Variants in ERC2 observed in about 807,000 individuals in gnomAD.
ERC2 encodes ERC protein 2.
In ERC2, 42 loss-of-function variants were observed where a neutral mutation model predicts 114.8. The observed-to-expected ratio is 0.37, with a 90% CI of 0.29 to 0.47. The LOEUF is 0.47. Among genes scored for constraint, ERC2 ranks in the 20% least tolerant of loss-of-function variants. ERC2 has a pLI of 0.99. For missense variants in ERC2, 939 were observed against 1,150.7 expected (o/e 0.82, Z 2.66); for synonymous variants, 454 against 425.5 (o/e 1.07, Z -0.82).
chr3:55,795,495 T>C (rs1005026474), intron 14 of ERC2, among the ~76,000 whole-genome samples: 7 of 152,172 alleles, frequency 4.6e-5, no homozygotes, highest in African/African-American at 1.4e-4. Context: ...GTGGGATTGT[T>C]TGCAATTAGG....
At chr3:55,997,906 T>TTG (rs1279001290) in intron 10 of ERC2, among the ~76,000 whole-genome samples, 17 of 37,618 alleles carry the variant, frequency 4.5e-4, no homozygotes, top group African/African-American at 1.5e-3. Flanking sequence ...TTTTTTTTTT[T>TTG]TGTGTGTGTG....
At chr3:55,652,347 A>G (rs1447479753) in intron 17 of ERC2, among the ~76,000 whole-genome samples, 3 of 151,968 alleles carry the variant, frequency 2.0e-5, no homozygotes, top group Non-Finnish European at 4.4e-5. Flanking sequence ...CATTCATTTT[A>G]TTTTATTTTT....
At chr3:56,225,855 C>A (rs930868855) in intron 3 of ERC2, among the ~76,000 whole-genome samples, 1 of 151,862 alleles carries the variant, frequency 6.6e-6, no homozygotes, top group Non-Finnish European at 1.5e-5. Context: ...TCCAGCCCAC[C>A]AATGACCAGG....
intron 2 of ERC2, among the ~76,000 whole-genome samples, chr3:56,343,269 G>C (rs562089625): frequency 6.7e-6 from 1 of 149,622 alleles, no homozygotes; most frequent in South Asian, 2.1e-4. Flanking sequence ...GGCTGTGTAA[G>C]AAGCTCCACA....
chr3:55,959,293 C>G (rs1203476104), intron 12 of ERC2, among the ~76,000 whole-genome samples: 1 of 152,074 alleles, frequency 6.6e-6, no homozygotes, highest in South Asian at 2.1e-4. Context: ...TTCTAACATT[C>G]TCCCGTATTC....
chr3:56,374,669 C>G (rs2150599652), intron 2 of ERC2, among the ~76,000 whole-genome samples: 1 of 152,210 alleles, frequency 6.6e-6, no homozygotes, highest in East Asian at 1.9e-4. Flanking sequence ...GACTCCACAG[C>G]CCCTGTTATC....
intron 14 of ERC2, among the ~76,000 whole-genome samples, chr3:55,742,056 A>G (rs1230017420): frequency 1.3e-5 from 2 of 151,338 alleles, no homozygotes; most frequent in African/African-American, 2.4e-5. Context: ...GTCAAGATAC[A>G]GCTAATAAAA....
chr3:55,942,301 T>TTTTTTG (rs1559906638), intron 13 of ERC2, among the ~76,000 whole-genome samples: 1 of 120,780 alleles, frequency 8.3e-6, no homozygotes, highest in Admixed American at 8.8e-5. Flanking sequence ...TTTTTTTTTT[T>TTTTTTG]TTGTTGAGAC....
At chr3:56,128,463 C>T (rs967216087) in intron 6 of ERC2, among the ~76,000 whole-genome samples, 8 of 152,164 alleles carry the variant, frequency 5.3e-5, no homozygotes, top group Non-Finnish European at 8.8e-5. Context: ...CACCTAATTT[C>T]CACATCTAAG....
intron 3 of ERC2, among the ~76,000 whole-genome samples, chr3:56,218,493 G>A (rs2049659320): frequency 1.3e-5 from 2 of 152,216 alleles, no homozygotes; most frequent in African/African-American, 4.8e-5. Context: ...GGGAACAACA[G>A]GTGCTAAAGA....
At chr3:56,348,868 AAAGGAAGGAAGGAAGGAAGG>A (rs559533182) in intron 2 of ERC2, among the ~76,000 whole-genome samples, 20 of 113,988 alleles carry the variant, frequency 1.8e-4, no homozygotes, top group Non-Finnish European at 2.6e-4. Context: ...AAAATGAAAG[AAAGGAAGGAAGGAAGGAAGG>A]AAGGAAGGAA....
intron 3 of ERC2, among the ~76,000 whole-genome samples, chr3:56,208,241 C>T (rs1356627664): frequency 6.6e-6 from 1 of 152,172 alleles, no homozygotes; most frequent in Non-Finnish European, 1.5e-5. Context: ...AGGGCTGCCA[C>T]CAATGGACCA....
chr3:56,337,387 G>A (rs1449208429), intron 2 of ERC2, among the ~76,000 whole-genome samples: 4 of 152,148 alleles, frequency 2.6e-5, no homozygotes, highest in Admixed American at 2.6e-4. Flanking sequence ...ATTGGACCCA[G>A]GCTTAGGACC....
At chr3:55,704,816 T>A (rs1484864132) in intron 15 of ERC2, among the ~76,000 whole-genome samples, 2 of 152,254 alleles carry the variant, frequency 1.3e-5, no homozygotes, top group Non-Finnish European at 2.9e-5. Context: ...CTGTGGACAC[T>A]GCACTGAAAT....
chr3:55,593,988 G>A (rs2058022684), intron 17 of ERC2, among the ~76,000 whole-genome samples: 1 of 152,092 alleles, frequency 6.6e-6, no homozygotes, highest in Non-Finnish European at 1.5e-5. Context: ...TTACGGTCCT[G>A]CCCAGCCTTC....
intron 14 of ERC2, chr3:55,852,409 T>G (rs2061611665): frequency 6.5e-6 from 1 of 154,756 alleles, no homozygotes; most frequent in Admixed American, 6.5e-5. Flanking sequence ...TAATCAGAAC[T>G]ACCAAATGTC....
At chr3:56,110,775 A>G (rs1001543513) in intron 6 of ERC2, among the ~76,000 whole-genome samples, 4 of 152,234 alleles carry the variant, frequency 2.6e-5, no homozygotes, top group African/African-American at 9.6e-5. Context: ...ATGATATGAT[A>G]CATCAATACT....
At chr3:56,262,266 A>G (rs1298678134) in intron 3 of ERC2, among the ~76,000 whole-genome samples, 3 of 152,208 alleles carry the variant, frequency 2.0e-5, no homozygotes, top group Admixed American at 6.5e-5. Flanking sequence ...CAGGGGCCAC[A>G]TCATCCCAGT....
chr3:56,249,332 C>CT (rs2051948103), intron 3 of ERC2, among the ~76,000 whole-genome samples: 1 of 140,378 alleles, frequency 7.1e-6, no homozygotes, highest in Non-Finnish European at 1.6e-5. Context: ...CATTAATTCA[C>CT]CTTTTTTTTT....
Sources: allele counts gnomAD v4.1 joint callset (sites outside exome capture counted in the v4.1 genomes callset), GRCh38; gene constraint gnomAD v4.1.1; transcripts MANE v1.5; gene names NCBI Gene and HGNC (gene_info 2026-07-23, HGNC 2026-07-21).